The following TMEM131L variants were observed in gnomAD, a reference collection of about 807,000 sequenced individuals.
TMEM131L encodes transmembrane protein 131-like.
Under a neutral mutation model 192.2 loss-of-function variants are expected in TMEM131L, and 54 were observed. The observed-to-expected ratio is 0.28, with a 90% CI of 0.23 to 0.35. The LOEUF (loss-of-function observed/expected upper bound fraction) is 0.35. Ranked by LOEUF, TMEM131L falls within the 10% of genes least tolerant of loss-of-function variation. TMEM131L has a pLI of 1.00. For missense variants in TMEM131L, 1,888 were observed against 1,972.9 expected (o/e 0.96, Z 0.82); for synonymous variants, 701 against 704.9 (o/e 0.99, Z 0.09).
intron 3 of TMEM131L, among the ~76,000 whole-genome samples, chr4:153,482,911 C>A (rs1250145975): frequency 1.3e-5 from 2 of 152,014 alleles, no homozygotes; most frequent in African/African-American, 4.8e-5. Context: ...CTTTTGGTTC[C>A]TCCTAGATAA....
At chr4:153,616,140 G>A (rs918490115) in intron 26 of TMEM131L, among the ~76,000 whole-genome samples, 31 of 152,116 alleles carry the variant, frequency 2.0e-4, no homozygotes, top group African/African-American at 7.5e-4. Context: ...TGGTGGCATT[G>A]GGTTCACAGG....
At chr4:153,583,703 C>T (rs750038344) in intron 11 of TMEM131L, 31 bp downstream of exon 11, 5 of 1,252,004 alleles carry the variant, frequency 4.0e-6, no homozygotes, top group Non-Finnish European at 5.8e-6. Flanking sequence ...TGTCATTTGA[C>T]TTTTGTTATC....
chr4:153,510,121 A>C (rs1734253402), intron 3 of TMEM131L, among the ~76,000 whole-genome samples: 3 of 152,174 alleles, frequency 2.0e-5, no homozygotes, highest in Non-Finnish European at 4.4e-5. Context: ...AAATAGCCCA[A>C]ATTAGTATCA....
At chr4:153,480,796 CCA>C (rs1204471622) in intron 3 of TMEM131L, among the ~76,000 whole-genome samples, 1 of 152,162 alleles carries the variant, frequency 6.6e-6, no homozygotes, top group African/African-American at 2.4e-5. Context: ...TACCTTCTCC[CCA>C]GAGTTCTCCT....
intron 2 of TMEM131L, among the ~76,000 whole-genome samples, chr4:153,468,459 A>G (rs974875147): frequency 8.7e-6 from 1 of 114,578 alleles, no homozygotes; most frequent in African/African-American, 5.6e-5. Flanking sequence ...GATTTTAAAT[A>G]ATATACATGT....
intron 11 of TMEM131L, among the ~76,000 whole-genome samples, chr4:153,584,100 G>GTT (rs1314721632): frequency 1.3e-5 from 2 of 152,240 alleles, no homozygotes; most frequent in Non-Finnish European, 2.9e-5. Context: ...AGAAATGTGT[G>GTT]TTTGTTAGGA....
chr4:153,544,444 A>T (rs1263111576), intron 3 of TMEM131L, among the ~76,000 whole-genome samples: 1 of 152,208 alleles, frequency 6.6e-6, no homozygotes. Context: ...ATGGGCCAGC[A>T]AAGCCTTCCT....
At chr4:153,566,947 A>G (rs541791455) in intron 7 of TMEM131L, among the ~76,000 whole-genome samples, 1 of 152,362 alleles carries the variant, frequency 6.6e-6, no homozygotes, top group Admixed American at 6.5e-5. Context: ...CCCGCCTGCC[A>G]GGGACAGGTG....
chr4:153,516,976 G>C (rs533571188), intron 3 of TMEM131L, among the ~76,000 whole-genome samples: 1 of 152,132 alleles, frequency 6.6e-6, no homozygotes, highest in South Asian at 2.1e-4. Flanking sequence ...ACAGGTGCGC[G>C]CCACCATGCC....
rs1252204692 is a variant in TMEM131L at position 153,582,445 on chromosome 4, T to TTTTG, written c.893-742_893-741insGTTT. Among the ~76,000 whole-genome samples the TTTTG allele has an allele frequency of 2.9e-5, 4 of 138,798 alleles. 1 individual carries two copies. The highest frequency in any genetic ancestry group is 8.1e-5 in the African/African-American group (3 of 36,912). The allele number at this position is 138,798 out of a possible 152,430, so 91.1% of individuals were successfully genotyped here. A position where few individuals can be genotyped will look rare whatever the true frequency, so the allele number is the denominator to read the frequency against. Reference sequence around the variant, plus strand: ...GTTTTTTTTTGTTGTTTTTTTTTTTTTTTTTTTTTTTTTTGTAGAGACAGG... The same window carrying TTTTG: ...GTTTTTTTTTGTTGTTTTTTTTTTTTTTTGTTTTTTTTTTTTTTGTAGAGACAGG... On this transcript the variant is annotated intron_variant, in intron 9 of 34. Transcript: ENST00000409959.
At chr4:153,478,587 G>C (rs1580018213) in intron 3 of TMEM131L, among the ~76,000 whole-genome samples, 1 of 152,114 alleles carries the variant, frequency 6.6e-6, no homozygotes, top group Non-Finnish European at 1.5e-5. Flanking sequence ...CATTTCACTA[G>C]TTTTTCCCTA....
chr4:153,573,263 G>A (rs902904842), intron 7 of TMEM131L, among the ~76,000 whole-genome samples: 2 of 152,168 alleles, frequency 1.3e-5, no homozygotes, highest in African/African-American at 4.8e-5. Context: ...CCTAATTCTC[G>A]CCACAGCGAT....
intron 3 of TMEM131L, among the ~76,000 whole-genome samples, chr4:153,480,523 A>G (rs1439563649): frequency 6.7e-6 from 1 of 149,382 alleles, no homozygotes; most frequent in Non-Finnish European, 1.5e-5. Context: ...ATCTCAAAAA[A>G]AAAAAAAAAA....
At chr4:153,503,731 C>T (rs1473914693) in intron 3 of TMEM131L, among the ~76,000 whole-genome samples, 1 of 152,148 alleles carries the variant, frequency 6.6e-6, no homozygotes, top group Non-Finnish European at 1.5e-5. Context: ...AGGCTAATGT[C>T]TGTCTTGCTA....
At chr4:153,585,876 T>C (rs2150780001) in intron 13 of TMEM131L, among the ~76,000 whole-genome samples, 1 of 152,294 alleles carries the variant, frequency 6.6e-6, no homozygotes, top group African/African-American at 2.4e-5. Context: ...TCAAAATTAT[T>C]TGCTCTTACC....
intron 3 of TMEM131L, among the ~76,000 whole-genome samples, chr4:153,516,273 A>C (rs1418269326): frequency 6.6e-6 from 1 of 152,102 alleles, no homozygotes; most frequent in African/African-American, 2.4e-5. Context: ...TTTTTCACCC[A>C]GGCTGGATTG....
At chr4:153,573,081 T>G (rs1729700022) in intron 7 of TMEM131L, among the ~76,000 whole-genome samples, 1 of 152,250 alleles carries the variant, frequency 6.6e-6, no homozygotes, top group African/African-American at 2.4e-5. Flanking sequence ...GTTGCACATA[T>G]ATATCATGTT....
chr4:153,569,908 C>T (rs1168171953), intron 7 of TMEM131L, among the ~76,000 whole-genome samples: 2 of 152,194 alleles, frequency 1.3e-5, no homozygotes, highest in African/African-American at 4.8e-5. Flanking sequence ...GAACCCCCAA[C>T]GGGACATGAA....
chr4:153,494,419 A>G (rs1009793454), intron 3 of TMEM131L, among the ~76,000 whole-genome samples: 1 of 152,238 alleles, frequency 6.6e-6, no homozygotes, highest in Non-Finnish European at 1.5e-5. Context: ...ATACTTCTTT[A>G]CAGAAAAATT....
Sources: gnomAD v4.1 joint callset for allele counts (sites outside exome capture counted in the v4.1 genomes callset) on GRCh38, gnomAD v4.1.1 for gene constraint, MANE v1.5 for transcripts, NCBI Gene and HGNC (gene_info 2026-07-23, HGNC 2026-07-21) for gene names.